Variants in PCGF5 observed in about 807,000 individuals in gnomAD.
PCGF5 encodes the protein polycomb group ring finger 5.
Under a neutral mutation model 44.3 loss-of-function variants are expected in PCGF5, and 9 were observed. The observed-to-expected ratio is 0.20, with a 90% CI of 0.12 to 0.35. The LOEUF is 0.35. Among genes scored for constraint, PCGF5 ranks in the 10% least tolerant of loss-of-function variants. PCGF5 has a pLI of 1.00. For synonymous variants in PCGF5, 95 were observed against 102.5 expected (o/e 0.93, Z 0.44); for missense variants, 146 against 305.3 (o/e 0.48, Z 3.89).
At chr10:91,209,895 G>A (rs1466757734) in intron 1 of PCGF5, among the ~76,000 whole-genome samples, 6 of 152,176 alleles carry the variant, frequency 3.9e-5, no homozygotes, top group Non-Finnish European at 8.8e-5. Flanking sequence ...GAATGAATGT[G>A]GAACCAATAT....
At position 91,240,536 on chromosome 10, in the gene PCGF5, G is replaced by A. The variant is rs768541378; in HGVS notation, c.165G>A (p.Arg55=). ...QHFEDSNDCP[R]CGNQVHETNP... is the part of the protein sequence containing the mutation. The stretch of plus-strand genomic sequence containing the variant: ...TTGAAGATAGCAATGATTGCCCAAG[G>A]TGTGGCAACCAAGTTCATGAGACAA... The change falls in exon 3 of 10, where the codon AGG becomes AGA. Residue 55 remains arginine, a synonymous_variant. Transcript: ENST00000336126. The A allele has an allele frequency of 6.2e-7, 1 of 1,611,914 alleles. No homozygotes were observed. Among genetic ancestry groups the A allele is most frequent in the Non-Finnish European group, 8.5e-7 (1 of 1,178,794 alleles).
At position 91,264,486 on chromosome 10, in the gene PCGF5, T is replaced by C; in HGVS notation, c.629T>C (p.Ile210Thr). The change falls in exon 8 of 10, where the codon ATC (isoleucine) becomes ACC (threonine). Residue 210 changes from isoleucine to threonine, a missense_variant. Coordinates refer to ENST00000336126, the MANE Select transcript of PCGF5 (RefSeq NM_032373.5). ...IMGKDHTMEF[I>T]YMTRWRLRGE... is the part of the protein sequence containing the mutation. ...GGGAAGGATCATACTATGGAATTCATCTACATGACAAGATGGCGACTAAGA... is the reference window on the plus strand; with the variant it reads ...GGGAAGGATCATACTATGGAATTCACCTACATGACAAGATGGCGACTAAGA... 1 of 1,611,688 alleles carries C rather than the reference T, an allele frequency of 6.2e-7. No homozygotes were observed. The highest frequency in any genetic ancestry group is 8.5e-7 in the Non-Finnish European group (1 of 1,179,152).
At chr10:91,187,247 G>A (rs554061139) in intron 1 of PCGF5, among the ~76,000 whole-genome samples, 1 of 152,246 alleles carries the variant, frequency 6.6e-6, no homozygotes, top group African/African-American at 2.4e-5. Context: ...AGATATATAA[G>A]ATAGATATAT....
At chr10:91,188,292 C>G (rs957585746) in intron 1 of PCGF5, among the ~76,000 whole-genome samples, 2 of 152,052 alleles carry the variant, frequency 1.3e-5, no homozygotes, top group Admixed American at 6.5e-5. Context: ...TCAGGGAGTT[C>G]CCTTTCCTGG....
intron 1 of PCGF5, among the ~76,000 whole-genome samples, chr10:91,188,946 A>G (rs1843978313): frequency 6.6e-6 from 1 of 152,220 alleles, no homozygotes; most frequent in African/African-American, 2.4e-5. Flanking sequence ...GTTTGGGAGA[A>G]AGGGAGAGTA....
intron 2 of PCGF5, among the ~76,000 whole-genome samples, chr10:91,237,691 CCGAGATCG>C (rs1845203655): frequency 6.6e-6 from 1 of 151,938 alleles, no homozygotes; most frequent in Non-Finnish European, 1.5e-5. Flanking sequence ...TTGCAGTGAG[CCGAGATCG>C]CGCCACTGCA....
At chr10:91,251,993 T>C (rs1221289522) in intron 6 of PCGF5, among the ~76,000 whole-genome samples, 1 of 152,046 alleles carries the variant, frequency 6.6e-6, no homozygotes, top group Non-Finnish European at 1.5e-5. Context: ...GGTACTGTTT[T>C]CCTCTGCCTC....
At chr10:91,253,004 A>G (rs1168335933) in intron 6 of PCGF5, among the ~76,000 whole-genome samples, 1 of 151,844 alleles carries the variant, frequency 6.6e-6, no homozygotes, top group African/African-American at 2.4e-5. Flanking sequence ...TAGTTTATAA[A>G]TGACTTTTAC....
chr10:91,199,379 G>A (rs1844204060), intron 1 of PCGF5, among the ~76,000 whole-genome samples: 1 of 152,196 alleles, frequency 6.6e-6, no homozygotes, highest in South Asian at 2.1e-4. Context: ...GAACTAGAAT[G>A]ACTCCTCTGA....
intron 1 of PCGF5, among the ~76,000 whole-genome samples, chr10:91,183,079 A>G (rs1843852134): frequency 6.6e-6 from 1 of 152,140 alleles, no homozygotes; most frequent in African/African-American, 2.4e-5. Flanking sequence ...GGCAATGAGA[A>G]GAATGTATAT....
At chr10:91,271,502 A>T (rs547332453) in intron 8 of PCGF5, 136 bp from the exon 9 acceptor site, 6 of 628,544 alleles carry the variant, frequency 9.5e-6, no homozygotes, top group African/African-American at 9.3e-5. Context: ...AACAACCACC[A>T]TTTTTTTGGA....
intron 3 of PCGF5, among the ~76,000 whole-genome samples, chr10:91,246,333 G>C (rs947758712): frequency 6.6e-6 from 1 of 152,176 alleles, no homozygotes; most frequent in African/African-American, 2.4e-5. Flanking sequence ...AGAGTACAGA[G>C]AGTATTTGAG....
At chr10:91,266,387 C>A (rs1046816030) in intron 8 of PCGF5, among the ~76,000 whole-genome samples, 10 of 152,256 alleles carry the variant, frequency 6.6e-5, no homozygotes, top group African/African-American at 2.4e-4. Flanking sequence ...AATTTATAGA[C>A]ATTTTTAGTA....
chr10:91,219,321 T>C (rs937246190), upstream of PCGF5, among the ~76,000 whole-genome samples: 1 of 152,230 alleles, frequency 6.6e-6, no homozygotes, highest in Non-Finnish European at 1.5e-5. Context: ...TTAAGCCCCC[T>C]GGACTCCACT....
At chr10:91,204,335 A>T (rs534948310) in intron 1 of PCGF5, among the ~76,000 whole-genome samples, 2 of 44,776 alleles carry the variant, frequency 4.5e-5, no homozygotes, top group African/African-American at 6.9e-5. Context: ...GTTTTCATTT[A>T]AAAAAAAACC....
At chr10:91,187,670 A>G (rs1266749249) in intron 1 of PCGF5, among the ~76,000 whole-genome samples, 2 of 152,200 alleles carry the variant, frequency 1.3e-5, no homozygotes, top group Non-Finnish European at 2.9e-5. Context: ...AAAGTGTATT[A>G]TATACACAAC....
At chr10:91,217,127 G>A (rs1164097788), upstream of PCGF5, among the ~76,000 whole-genome samples, 4 of 151,914 alleles carry the variant, frequency 2.6e-5, no homozygotes, top group Non-Finnish European at 5.9e-5. Flanking sequence ...TCCACCTCCT[G>A]GGTTCACGCC....
intron 2 of PCGF5, among the ~76,000 whole-genome samples, chr10:91,237,018 G>A (rs1845183213): frequency 1.3e-5 from 2 of 152,150 alleles, no homozygotes; most frequent in Non-Finnish European, 2.9e-5. Context: ...TGAAGAAAAT[G>A]TATCACACAT....
intron 6 of PCGF5, 93 bp downstream of exon 6, chr10:91,251,533 G>A: frequency 1.6e-6 from 2 of 1,237,296 alleles, no homozygotes; most frequent in South Asian, 1.3e-5. Context: ...CAAAATGTTT[G>A]CTTTCAAAGT....
Sources: allele counts gnomAD v4.1 joint callset (sites outside exome capture counted in the v4.1 genomes callset), GRCh38; gene constraint gnomAD v4.1.1; transcripts MANE v1.5; gene names NCBI Gene and HGNC (gene_info 2026-07-23, HGNC 2026-07-21).